PRRX2: variants seen among roughly 807,000 people sequenced by gnomAD.
The protein encoded by PRRX2 is paired mesoderm homeobox protein 2.
A neutral mutation model predicts 18.0 loss-of-function variants in PRRX2; 11 were observed. The ratio of observed to expected loss-of-function variants is 0.61; its 90% CI spans 0.39 to 1.01. The LOEUF (loss-of-function observed/expected upper bound fraction) is 1.01. Among genes scored for constraint, PRRX2 ranks in the 50% least tolerant of loss-of-function variants. PRRX2 has a pLI of 0.01. For synonymous variants in PRRX2, 177 were observed against 154.8 expected (o/e 1.14, Z -1.06); for missense variants, 387 against 351.0 (o/e 1.10, Z -0.82).
chr9:129,703,025 T>C (rs3861882), intron 1 of PRRX2, among the ~76,000 whole-genome samples: 54,018 of 152,184 alleles, frequency 0.35, 10,597 homozygotes, highest in East Asian at 0.57. Context: ...GACTAGGACC[T>C]ACTGTAATGG....
At chr9:129,674,499 A>G (rs1832140367) in intron 1 of PRRX2, among the ~76,000 whole-genome samples, 1 of 152,266 alleles carries the variant, frequency 6.6e-6, no homozygotes. Flanking sequence ...GGGACCGGGC[A>G]ACAGGCTGTG....
intron 1 of PRRX2, among the ~76,000 whole-genome samples, chr9:129,677,296 C>T (rs1392935000): frequency 6.6e-5 from 10 of 152,252 alleles, no homozygotes; most frequent in Admixed American, 6.5e-4. Context: ...TTATCCTCAT[C>T]TTACAGGCGA....
chr9:129,695,174 GTTC>G lies in PRRX2; in HGVS notation c.260-24055_260-24053del, dbSNP rs1173913466. On this transcript the variant is annotated intron_variant, in intron 1 of 3. Coordinates refer to ENST00000372469, the MANE Select transcript of PRRX2 (RefSeq NM_016307.4). This position sits in a 1 kb window ranked among gnomAD's most constrained non-coding sequence, Gnocchi z 4.8. ...ATGAAGATCCAGGGTCATTCTAGAAGTTCTAGGAGGATTATTCCCTTCTCCACC... is the reference window on the plus strand; with the variant it reads ...ATGAAGATCCAGGGTCATTCTAGAAGTAGGAGGATTATTCCCTTCTCCACC... 6.6e-6 allele frequency among the ~76,000 whole-genome samples: 1 copy of G among 152,200 alleles called. No individual in the cohort carries two copies. The highest frequency in any genetic ancestry group is 2.4e-5 in the African/African-American group (1 of 41,456).
At position 129,666,119 on chromosome 9, in the gene PRRX2, G is replaced by A. The variant is rs1384414077; in HGVS notation, c.252G>A (p.Pro84=). Residue 84 remains proline (P), a synonymous_variant, in exon 1 of 4, where the codon CCG becomes CCA. Coordinates refer to ENST00000372469, the MANE Select transcript of PRRX2 (RefSeq NM_016307.4). ...SGGSSGSEAA[P]QDGECPSPGR... ...GCAGCAGCGGCAGCGAGGCGGCGCC[G>A]CAGGATGGTGAGTACGGCCGGCCAG... is the stretch of plus-strand genomic sequence containing the variant. 8.8e-6 allele frequency: 9 copies of A among 1,018,534 alleles called. No individual in the cohort carries two copies. Among genetic ancestry groups the A allele is most frequent in the Non-Finnish European group, 1.1e-5 (9 of 853,930 alleles). 63.1% of individuals were successfully genotyped at this position (1,018,534 alleles called of 1,614,324 possible).
At chr9:129,689,660 G>A (rs1041033022) in intron 1 of PRRX2, among the ~76,000 whole-genome samples, 12 of 151,836 alleles carry the variant, frequency 7.9e-5, no homozygotes, top group African/African-American at 2.7e-4. Context: ...ATGAGCTGGC[G>A]AGCTTTCAAT....
chr9:129,669,645 G>A (rs1164215283), intron 1 of PRRX2, among the ~76,000 whole-genome samples: 1 of 152,180 alleles, frequency 6.6e-6, no homozygotes, highest in Non-Finnish European at 1.5e-5. Flanking sequence ...GATTTCGGAA[G>A]ATGAAGTGCT....
At chr9:129,684,227 A>G (rs370070352) in intron 1 of PRRX2, among the ~76,000 whole-genome samples, 4 of 152,160 alleles carry the variant, frequency 2.6e-5, no homozygotes, top group South Asian at 4.1e-4. Flanking sequence ...GCTGTCACCT[A>G]TGATGGGTAG....
intron 1 of PRRX2, among the ~76,000 whole-genome samples, chr9:129,680,833 C>G (rs78227590): frequency 0.017 from 2,592 of 152,328 alleles, 72 homozygotes; most frequent in African/African-American, 0.058. Flanking sequence ...ACCGCCACTC[C>G]TGTGCAGAAG....
chr9:129,719,632 C>T (rs1832763656), intron 2 of PRRX2, among the ~76,000 whole-genome samples: 1 of 152,230 alleles, frequency 6.6e-6, no homozygotes, highest in Non-Finnish European at 1.5e-5. Context: ...ACCTGCCTAC[C>T]TGGAAAATGA....
At chr9:129,721,417 T>C (rs1832790617) in intron 3 of PRRX2, among the ~76,000 whole-genome samples, 1 of 152,074 alleles carries the variant, frequency 6.6e-6, no homozygotes, top group Non-Finnish European at 1.5e-5. Flanking sequence ...AGAGGCGCCG[T>C]CTGCTCCTTG....
intron 2 of PRRX2, among the ~76,000 whole-genome samples, 172 bp from the exon 3 acceptor site, chr9:129,720,424 T>C (rs1588178300): frequency 1.3e-5 from 2 of 152,208 alleles, no homozygotes; most frequent in South Asian, 2.1e-4. Context: ...CTCCAACACA[T>C]ACCCAGCAGC....
chr9:129,668,109 C>G (rs1012154823), intron 1 of PRRX2, among the ~76,000 whole-genome samples: 1 of 152,142 alleles, frequency 6.6e-6, no homozygotes. Flanking sequence ...GGGCTCCGCC[C>G]GGGGTGTGGC....
chr9:129,677,569 C>G (rs1319563783), intron 1 of PRRX2, among the ~76,000 whole-genome samples: 2 of 152,236 alleles, frequency 1.3e-5, no homozygotes, highest in Non-Finnish European at 2.9e-5. Context: ...CCCCCATTTG[C>G]AGGGACACAC....
chr9:129,720,709 C>T lies in PRRX2; in HGVS notation c.561C>T (p.Pro187=), dbSNP rs1293858588. ...SYSQEAAIEQ[P]VAPRPTALSP... is the part of the protein sequence containing the mutation. ...GCCAGGAGGCCGCCATCGAGCAGCC[C>T]GTGGCTCCCCGGCCCACCGCCCTGA... The change falls in exon 3 of 4, where the codon CCC becomes CCT. Residue 187 remains proline, a synonymous_variant. Transcript: ENST00000372469. 10 of 1,612,716 alleles carry T rather than the reference C, an allele frequency of 6.2e-6. No homozygotes were observed. Among genetic ancestry groups the T allele is most frequent in the Non-Finnish European group, 7.6e-6 (9 of 1,179,648 alleles).
intron 1 of PRRX2, among the ~76,000 whole-genome samples, chr9:129,696,849 G>A (rs1832430626): frequency 6.6e-6 from 1 of 152,154 alleles, no homozygotes; most frequent in South Asian, 2.1e-4. Flanking sequence ...CCCGGGTGAA[G>A]GTGACTTTGA....
At position 129,665,911 on chromosome 9, in the gene PRRX2, TG is replaced by T; in HGVS notation, c.47del (p.Gly16AlafsTer25). ...AAAFALDKPA[L>X]GPGPPPPPPA... ...GCCTTCGCCCTGGACAAGCCGGCGC[TG>T]GGCCCGGGGCCGCCGCCGCCTCCAC... is the stretch of plus-strand genomic sequence containing the variant. On this transcript the variant is annotated frameshift_variant, in exon 1 of 4. Transcript: ENST00000372469. LOFTEE classifies it high-confidence loss of function. The surrounding 1 kb of genome is among the most constrained non-coding windows in gnomAD (Gnocchi z 5.3). 1 of 1,110,236 alleles carries T rather than the reference TG, an allele frequency of 9.0e-7. No homozygotes were observed. Among genetic ancestry groups the T allele is most frequent in the South Asian group, 2.8e-5 (1 of 35,566 alleles). 68.8% of individuals were successfully genotyped at this position (1,110,236 alleles called of 1,614,324 possible).
At chr9:129,670,426 G>GT (rs1292203218) in intron 1 of PRRX2, among the ~76,000 whole-genome samples, 1 of 152,146 alleles carries the variant, frequency 6.6e-6, no homozygotes, top group African/African-American at 2.4e-5. Context: ...CCGGGTTGGA[G>GT]TACAGTGGTG....
intron 1 of PRRX2, among the ~76,000 whole-genome samples, chr9:129,670,221 A>G (rs1284724183): frequency 6.6e-6 from 1 of 151,464 alleles, no homozygotes; most frequent in Non-Finnish European, 1.5e-5. Context: ...ACCACATTGT[A>G]TCCGTTCACC....
chr9:129,720,675 A>C lies in PRRX2; in HGVS notation c.527A>C (p.Lys176Thr), dbSNP rs1832777638. 6.2e-7 allele frequency: 1 copy of C among 1,613,390 alleles called. No individual in the cohort carries two copies. Among genetic ancestry groups the C allele is most frequent in the Non-Finnish European group, 8.5e-7 (1 of 1,179,870 alleles). Residue 176 changes from lysine (K) to threonine (T), a missense_variant, in exon 3 of 4, where the codon AAG (lysine) becomes ACG (threonine). Lys to Thr is a moderately conservative substitution (Grantham distance 78). Transcript: ENST00000372469. ...GCCAGCCGCTCTGCCTCGCTGCTCAAGTCCTACAGCCAGGAGGCCGCCATC... is the reference window on the plus strand; with the variant it reads ...GCCAGCCGCTCTGCCTCGCTGCTCACGTCCTACAGCCAGGAGGCCGCCATC... ...MLASRSASLL[K>T]SYSQEAAIEQ...
Sources: gnomAD v4.1 joint callset for allele counts (sites outside exome capture counted in the v4.1 genomes callset) on GRCh38, gnomAD v4.1.1 for gene constraint, Gnocchi (gnomAD v3.1) non-coding constraint, MANE v1.5 for transcripts, NCBI Gene and HGNC (gene_info 2026-07-23, HGNC 2026-07-21) for gene names.